The following GALNTL6 variants were observed in gnomAD, a reference collection of about 807,000 sequenced individuals.
GALNTL6 encodes polypeptide N-acetylgalactosaminyltransferase-like 6.
GALNTL6 carries 46 observed loss-of-function variants against 73.7 expected under a neutral mutation model. The observed-to-expected ratio is 0.62, with a 90% CI of 0.49 to 0.80. The LOEUF (loss-of-function observed/expected upper bound fraction) is 0.80. GALNTL6 is among the 30% of genes least tolerant of loss of function. The probability of loss-of-function intolerance (pLI) is 0.00; values close to 1 mark genes in which losing one functional copy is unlikely to be tolerated. For missense variants in GALNTL6, 604 were observed against 755.0 expected, an observed-to-expected ratio of 0.80 and a Z score of 2.34; for synonymous variants, 259 against 263.7, an observed-to-expected ratio of 0.98 and a Z score of 0.17.
chr4:172,389,683 A>G (rs1026112898), intron 5 of GALNTL6, among the ~76,000 whole-genome samples: 19 of 152,158 alleles, frequency 1.2e-4, no homozygotes, highest in Admixed American at 9.2e-4. Context: ...GCTTCATTTT[A>G]AGTTTTATTT....
intron 3 of GALNTL6, among the ~76,000 whole-genome samples, chr4:172,306,337 C>T (rs1182456085): frequency 1.3e-5 from 2 of 151,948 alleles, no homozygotes; most frequent in Non-Finnish European, 1.5e-5. Flanking sequence ...TGCAGTGAGC[C>T]GAGATCGCGC....
At chr4:171,937,975 T>C (rs1161940902) in intron 2 of GALNTL6, among the ~76,000 whole-genome samples, 2 of 152,182 alleles carry the variant, frequency 1.3e-5, no homozygotes, top group Non-Finnish European at 2.9e-5. Flanking sequence ...TTCAGATACT[T>C]GGGTTGTTTC....
At chr4:172,669,185 A>G (rs1731836225) in intron 5 of GALNTL6, 1 of 152,198 alleles carries the variant, frequency 6.6e-6, no homozygotes, top group South Asian at 2.1e-4. Flanking sequence ...TATGAGATCA[A>G]GATTTTAAAA....
Position 172,445,370 on chromosome 4 carries a change from A to G in GALNTL6, c.553+96681A>G, listed in dbSNP as rs336015. ...GCAGATGAGAACATTTTATCACTTT[A>G]TTATTCAAAATAGTACATTCTGAAC... is the stretch of plus-strand genomic sequence containing the variant. On this transcript the variant is annotated intron_variant, in intron 5 of 12. Transcript: ENST00000506823. Among the ~76,000 whole-genome samples the G allele has an allele frequency of 9.2e-3, 1,401 of 152,334 alleles. 28 individuals are homozygous for G. Among genetic ancestry groups the G allele is most frequent in the African/African-American group, 0.032 (1,323 of 41,586 alleles).
chr4:172,954,484 C>T (rs936330761), intron 10 of GALNTL6, among the ~76,000 whole-genome samples: 6 of 152,164 alleles, frequency 3.9e-5, no homozygotes, highest in African/African-American at 1.2e-4. Flanking sequence ...TTATTTTTCC[C>T]GAGACAAGGA....
At chr4:172,049,126 C>T (rs945688147) in intron 2 of GALNTL6, among the ~76,000 whole-genome samples, 116 of 152,010 alleles carry the variant, frequency 7.6e-4, no homozygotes, top group Admixed American at 1.5e-3. Flanking sequence ...TCTGCAAATG[C>T]TATAGTATCT....
At chr4:172,863,626 C>T (rs560276233) in intron 7 of GALNTL6, among the ~76,000 whole-genome samples, 220 of 152,302 alleles carry the variant, frequency 1.4e-3, no homozygotes, top group African/African-American at 5.1e-3. Flanking sequence ...AAGTAATTAA[C>T]TTGCTTTTGA....
intron 2 of GALNTL6, among the ~76,000 whole-genome samples, chr4:171,929,391 A>G (rs1242732777): frequency 6.6e-6 from 1 of 152,146 alleles, no homozygotes; most frequent in Non-Finnish European, 1.5e-5. Context: ...AGGTCTTACA[A>G]TCGTTTAAAC....
intron 5 of GALNTL6, among the ~76,000 whole-genome samples, chr4:172,385,806 AT>A (rs1561058996): frequency 6.6e-6 from 1 of 151,820 alleles, no homozygotes; most frequent in Admixed American, 6.6e-5. Flanking sequence ...TATTTTTACC[AT>A]GTCTTTTGCT....
intron 2 of GALNTL6, among the ~76,000 whole-genome samples, chr4:172,021,878 A>G (rs1741413978): frequency 6.6e-6 from 1 of 152,120 alleles, no homozygotes; most frequent in African/African-American, 2.4e-5. Context: ...AAAACTGGGT[A>G]TCAATATGCC....
At chr4:171,984,817 T>C (rs1490660374) in intron 2 of GALNTL6, among the ~76,000 whole-genome samples, 1 of 152,054 alleles carries the variant, frequency 6.6e-6, no homozygotes, top group African/African-American at 2.4e-5. Context: ...CTGCAGTGAG[T>C]ATATCAGCCA....
chr4:172,739,139 C>A (rs10023525), intron 5 of GALNTL6, among the ~76,000 whole-genome samples: 1 of 151,958 alleles, frequency 6.6e-6, no homozygotes, highest in Non-Finnish European at 1.5e-5. Flanking sequence ...TTAGAATGAC[C>A]TGGCCAAGGA....
intron 2 of GALNTL6, among the ~76,000 whole-genome samples, chr4:172,215,777 CT>C (rs1478679971): frequency 6.6e-6 from 1 of 151,980 alleles, no homozygotes; most frequent in Non-Finnish European, 1.5e-5. Flanking sequence ...TAGTTTTTTG[CT>C]TCTTTAATCT....
In GALNTL6 at chr4:172,344,294, G is replaced by A. The variant is rs1228252848; in HGVS notation, c.387-4229G>A. 2.0e-5 allele frequency among the ~76,000 whole-genome samples: 3 copies of A among 152,272 alleles called. 1 individual carries two copies. The highest frequency in any genetic ancestry group is 4.1e-4 in the South Asian group (2 of 4,822). On this transcript the variant is annotated intron_variant, in intron 4 of 12. Transcript: ENST00000506823. ...CCCTGGATGTGCTTCACTATTTCTA[G>A]TAATACTATAGGGCAGTCATCTGGA...
Position 172,755,632 on chromosome 4 carries a change from A to G in GALNTL6, c.554-53729A>G, listed in dbSNP as rs564212236. 1.3e-3 allele frequency among the ~76,000 whole-genome samples: 201 copies of G among 152,330 alleles called. 1 individual carries two copies. The highest frequency in any genetic ancestry group is 4.6e-3 in the African/African-American group (192 of 41,580). On this transcript the variant is annotated intron_variant, in intron 5 of 12. Coordinates refer to ENST00000506823, the MANE Select transcript of GALNTL6 (RefSeq NM_001034845.3). ...AAAATATAGCCTCAAATTCATGATAAAACTCCTTGATTCATTTCACTCATT... is the reference window on the plus strand; with the variant it reads ...AAAATATAGCCTCAAATTCATGATAGAACTCCTTGATTCATTTCACTCATT...
chr4:172,872,785 G>T (rs1267470700), intron 7 of GALNTL6, among the ~76,000 whole-genome samples: 1 of 152,150 alleles, frequency 6.6e-6, no homozygotes, highest in Non-Finnish European at 1.5e-5. Flanking sequence ...TGTTACACCT[G>T]CATTTCCTCT....
chr4:172,926,501 G>A (rs1325100103), intron 8 of GALNTL6, among the ~76,000 whole-genome samples: 1 of 152,182 alleles, frequency 6.6e-6, no homozygotes, highest in African/African-American at 2.4e-5. Context: ...GTGAAGAATA[G>A]GTTAAGGCCA....
intron 7 of GALNTL6, among the ~76,000 whole-genome samples, chr4:172,858,447 C>A (rs1011707735): frequency 5.3e-5 from 8 of 152,158 alleles, no homozygotes; most frequent in Admixed American, 3.9e-4. Context: ...GTCAGAAATT[C>A]TTCTCTCATA....
intron 2 of GALNTL6, among the ~76,000 whole-genome samples, chr4:172,039,137 A>G (rs927570997): frequency 6.6e-6 from 1 of 152,126 alleles, no homozygotes; most frequent in Admixed American, 6.6e-5. Context: ...GCATAATATC[A>G]TTGATATTGT....
Sources: allele counts gnomAD v4.1 joint callset (sites outside exome capture counted in the v4.1 genomes callset), GRCh38; gene constraint gnomAD v4.1.1; transcripts MANE v1.5; gene names NCBI Gene and HGNC (gene_info 2026-07-23, HGNC 2026-07-21).